GPR179: variants seen among roughly 807,000 people sequenced by gnomAD.
GPR179 encodes the protein probable G protein-coupled receptor 179.
In GPR179, 52 loss-of-function variants were observed where a neutral mutation model predicts 70.8. The observed-to-expected ratio is 0.73, with a 90% confidence interval of 0.59 to 0.93. The LOEUF (loss-of-function observed/expected upper bound fraction) is 0.93. Among genes scored for constraint, GPR179 ranks in the 40% least tolerant of loss-of-function variants. GPR179 has a pLI of 0.00. For missense variants in GPR179, 2,734 were observed against 2,966.8 expected (o/e 0.92, Z 1.82); for synonymous variants, 1,123 against 1,169.0 (o/e 0.96, Z 0.80).
chr17:38,341,495 C>T (rs1194403679), intron 1 of GPR179, among the ~76,000 whole-genome samples: 1 of 152,240 alleles, frequency 6.6e-6, no homozygotes, highest in Non-Finnish European at 1.5e-5. Context: ...GTTCCCCAGC[C>T]TTTGCTCTGG....
rs1279268891 is a variant in GPR179, at chr17:38,327,880, T to G, written c.5689A>C (p.Ser1897Arg). 3 of 1,614,228 alleles carry G rather than the reference T, an allele frequency of 1.9e-6. No individual in the cohort carries two copies. The highest frequency in any genetic ancestry group is 2.5e-6 in the Non-Finnish European group (3 of 1,180,042). ...QAPKISDLPS[S>R]MSSEVAEGHS... ...CCCTCTGCCACTTCACTACTCATGC[T>G]GCTGGGCAAGTCTGAGATCTTGGGG... The change falls in exon 11 of 11, where the codon AGC becomes CGC. Residue 1897 changes from serine to arginine, a missense_variant. Coordinates refer to ENST00000616987, the MANE Select transcript of GPR179 (RefSeq NM_001004334.4).
chr17:38,333,864 C>A, intron 9 of GPR179, 69 bp downstream of exon 9: 1 of 1,246,074 alleles, frequency 8.0e-7, no homozygotes, highest in Non-Finnish European at 1.1e-6. Context: ...CGCTGCGGGA[C>A]AACCGCTCCA....
In GPR179 at chr17:38,326,617, G is replaced by T; in HGVS notation, c.6952C>A (p.Leu2318Ile). 3 of 1,614,212 alleles carry T rather than the reference G, an allele frequency of 1.9e-6. No homozygotes were observed. The highest frequency in any genetic ancestry group is 1.6e-4 in the Middle Eastern group (1 of 6,062). Residue 2318 changes from leucine to isoleucine, a missense_variant, in exon 11 of 11, where the codon CTT becomes ATT. Transcript: ENST00000616987. The part of the protein sequence containing the change: ...GVRELQGPSG[L>I]EPRTSLAPEP... ...GGGGCTAAGCTGGTCCTTGGCTCAA[G>T]CCCTGAAGGTCCTTGTAGTTCTCTG...
rs771117178 is a variant in GPR179 at position 38,325,160 on chromosome 17, C to T, written c.*1305G>A. Reference sequence around the variant, plus strand: ...TCTTTGTATGTTTTTCTCCTTCTTCCTTTCCCTCTGGTATTATCATCTAAT... The same window carrying T: ...TCTTTGTATGTTTTTCTCCTTCTTCTTTTCCCTCTGGTATTATCATCTAAT... On this transcript the variant is annotated 3_prime_UTR_variant, in exon 11 of 11. Coordinates refer to ENST00000616987, the MANE Select transcript of GPR179 (RefSeq NM_001004334.4). Among the ~76,000 whole-genome samples the T allele has an allele frequency of 1.3e-5, 2 of 152,102 alleles. No individual in the cohort carries two copies. The highest frequency in any genetic ancestry group is 2.9e-5 in the Non-Finnish European group (2 of 68,020).
intron 1 of GPR179, among the ~76,000 whole-genome samples, chr17:38,340,940 AAC>A (rs1399241501): frequency 6.6e-6 from 1 of 152,140 alleles, no homozygotes; most frequent in African/African-American, 2.4e-5. Flanking sequence ...CAAACAAACA[AAC>A]AAACAAAAAA....
rs368811282 is a variant in GPR179, at chr17:38,327,048, G to T, written c.6521C>A (p.Ala2174Glu). 6.2e-7 allele frequency: 1 copy of T among 1,614,066 alleles called. No individual in the cohort carries two copies. The highest frequency in any genetic ancestry group is 1.3e-5 in the African/African-American group (1 of 74,930). Residue 2174 changes from alanine to glutamate, a missense_variant, in exon 11 of 11, where the codon GCA (alanine) becomes GAA (glutamate). Ala to Glu is a moderately radical substitution (Grantham distance 107). Coordinates refer to ENST00000616987, the MANE Select transcript of GPR179 (RefSeq NM_001004334.4). ...GTEEHFSKAA[A>E]KPREQEAVCP... ...GACTGCCTCCTGCTCTCTGGGCTTT[G>T]CTGCTGCTTTTGAGAAGTGTTCTTC...
chr17:38,333,465 G>C, intron 9 of GPR179, 68 bp from the exon 10 acceptor site: 12 of 1,487,152 alleles, frequency 8.1e-6, no homozygotes, highest in Non-Finnish European at 1.0e-5. Context: ...GCACTCACCT[G>C]CCCTGTGGAA....
chr17:38,329,310 G>C lies in GPR179; in HGVS notation c.4259C>G (p.Pro1420Arg). 1 of 1,612,676 alleles carries C rather than the reference G, an allele frequency of 6.2e-7. No homozygotes were observed. Among genetic ancestry groups the C allele is most frequent in the Non-Finnish European group, 8.5e-7 (1 of 1,179,446 alleles). The change falls in exon 11 of 11, where the codon CCG (proline) becomes CGG (arginine). Residue 1420 changes from proline to arginine, a missense_variant. Transcript: ENST00000616987. ...RKATFWKEQK[P>R]GGDLESLCPW... ...ACAAAGAGACTCCAAGTCTCCTCCC[G>C]GTTTCTGTTCTTTCCAAAAGGTTGC...
rs184952311 is a variant in GPR179, at chr17:38,339,226, G to C, written c.903+191C>G. 101 of 532,718 alleles carry C rather than the reference G, an allele frequency of 1.9e-4. No individual in the cohort carries two copies. The African/African-American group carries it at 1.9e-3, about 10-fold the overall frequency. The allele number at this position is 532,718 out of a possible 1,614,324, so 33.0% of individuals were successfully genotyped here. A position where few individuals can be genotyped will look rare whatever the true frequency, so the allele number is the denominator to read the frequency against. Reference sequence around the variant, plus strand: ...GAGCAGGAGGAATAGGGGGTGGGGGGGCAGGCTGTAGGTGACCTGACTTTT... The same window carrying C: ...GAGCAGGAGGAATAGGGGGTGGGGGCGCAGGCTGTAGGTGACCTGACTTTT... On this transcript the variant is annotated intron_variant, in intron 2 of 10. Transcript: ENST00000616987.
At chr17:38,339,230 G>A (rs932138411) in intron 2 of GPR179, 187 bp downstream of exon 2, 3 of 550,016 alleles carry the variant, frequency 5.5e-6, no homozygotes, top group Non-Finnish European at 3.2e-6. Context: ...TGGGGGGGCA[G>A]GCTGTAGGTG....
intron 2 of GPR179, among the ~76,000 whole-genome samples, 163 bp from the exon 3 acceptor site, chr17:38,337,883 C>T (rs1304148798): frequency 2.0e-5 from 3 of 152,188 alleles, no homozygotes; most frequent in Non-Finnish European, 2.9e-5. Context: ...GGAAGCCTTC[C>T]CTCTGTGGAA....
Position 38,334,765 on chromosome 17 carries a change from G to A in GPR179, c.1723C>T (p.Arg575Cys), listed in dbSNP as rs200801090. ...RAVLSAFHEP[R>C]YMGIALHNEL... Reference sequence around the variant, plus strand: ...TTGTGCAGGGCGATGCCCATGTAGCGTGGCTCATGGAAGGCCGAGAGCACA... The same window carrying A: ...TTGTGCAGGGCGATGCCCATGTAGCATGGCTCATGGAAGGCCGAGAGCACA... Residue 575 changes from arginine to cysteine, a missense_variant, in exon 8 of 11, where the codon CGC becomes TGC. Arg to Cys is a radical substitution (Grantham distance 180). Coordinates refer to ENST00000616987, the MANE Select transcript of GPR179 (RefSeq NM_001004334.4). This position sits in a 1 kb window ranked among gnomAD's most constrained non-coding sequence, Gnocchi z 4.7. 418 of 1,613,614 alleles carry A rather than the reference G, an allele frequency of 2.6e-4. 1 individual carries two copies. The highest frequency in any genetic ancestry group is 1.6e-3 in the Admixed American group (97 of 59,996).
rs1217561182 is a variant in GPR179, at chr17:38,343,060, CA to C, written c.729del (p.Gly244AspfsTer3). 1 of 1,613,878 alleles carries C rather than the reference CA, an allele frequency of 6.2e-7. No homozygotes were observed. The highest frequency in any genetic ancestry group is 1.3e-5 in the African/African-American group (1 of 74,946). ...GTGGCAGAGAGTGTGATCAGCCATCCAGGTCGGAGCCGTCCCTCCTGGCATT... is the reference window on the plus strand; with the variant it reads ...GTGGCAGAGAGTGTGATCAGCCATCCGGTCGGAGCCGTCCCTCCTGGCATT... The part of the protein sequence containing the change: ...FLECQEGRLR[P>X]GWLITLSATF... On this transcript the variant is annotated frameshift_variant, in exon 1 of 11. Coordinates refer to ENST00000616987, the MANE Select transcript of GPR179 (RefSeq NM_001004334.4). LOFTEE classifies it high-confidence loss of function. The surrounding 1 kb of genome is among the most constrained non-coding windows in gnomAD (Gnocchi z 4.2).
In GPR179 at chr17:38,331,092, C is replaced by A; in HGVS notation, c.2477G>T (p.Gly826Val). 1 of 1,601,204 alleles carries A rather than the reference C, an allele frequency of 6.2e-7. No individual in the cohort carries two copies. The change falls in exon 11 of 11, where the codon GGA becomes GTA. Residue 826 changes from glycine (G) to valine (V), a missense_variant. Gly to Val is a moderately radical substitution (Grantham distance 109, BLOSUM62 -3). Coordinates refer to ENST00000616987, the MANE Select transcript of GPR179 (RefSeq NM_001004334.4). ...GGGCCGGGCTCTGGGTAGCCTCTCT[C>A]CCACCGTCAGGTTGTGGGCGCTGGC... ...RSASAHNLTV[G>V]ERLPRARPAS...
rs756633375 is a variant in GPR179 at position 38,330,872 on chromosome 17, CAG to C, written c.2695_2696del (p.Leu899ValfsTer23). The part of the protein sequence containing the change: ...RRLERPRGAP[L>X]SAPPSPAKSS... ...TCTTGGCAGGGGAAGGTGGAGCTGA[CAG>C]GGGGGCCCCTCGAGGCCGCTCCAGC... is the stretch of plus-strand genomic sequence containing the variant. On this transcript the variant is annotated frameshift_variant, in exon 11 of 11. Coordinates refer to ENST00000616987, the MANE Select transcript of GPR179 (RefSeq NM_001004334.4). LOFTEE classifies it low-confidence loss of function (END_TRUNC). The C allele has an allele frequency of 3.2e-5, 52 of 1,600,856 alleles. No homozygotes were observed. The highest frequency in any genetic ancestry group is 1.7e-4 in the Middle Eastern group (1 of 6,028).
chr17:38,330,807 T>C lies in GPR179; in HGVS notation c.2762A>G (p.His921Arg). 1.2e-6 allele frequency: 2 copies of C among 1,605,116 alleles called. No individual in the cohort carries two copies. Among genetic ancestry groups the C allele is most frequent in the Middle Eastern group, 3.3e-4 (2 of 6,012 alleles). Residue 921 changes from histidine (H) to arginine (R), a missense_variant, in exon 11 of 11, where the codon CAT (histidine) becomes CGT (arginine). By Grantham distance (29) the His-to-Arg change is conservative (BLOSUM62 0). Coordinates refer to ENST00000616987, the MANE Select transcript of GPR179 (RefSeq NM_001004334.4). ...AGGCAGCCTTCTCCTAGCCTCCTCA[T>C]GAAGCCTCCCAGAGGTGTGAGAGCT... Reference protein sequence around the residue: ...VDSSHTSGRLHEEARRRLPHP... With the variant: ...VDSSHTSGRLREEARRRLPHP...
rs763748353 is a variant in GPR179 at position 38,330,489 on chromosome 17, G to A, written c.3080C>T (p.Ala1027Val). Residue 1027 changes from alanine to valine, a missense_variant, in exon 11 of 11, where the codon GCC becomes GTC. Coordinates refer to ENST00000616987, the MANE Select transcript of GPR179 (RefSeq NM_001004334.4). ...RGHHSPAPAR[A>V]RLWRALSVAV... is the part of the protein sequence containing the mutation. ...AACAGAGAGGGCCCTCCAGAGCCTG[G>A]CTCGAGCTGGGGCAGGGGAGTGGTG... 3.2e-6 allele frequency: 5 copies of A among 1,552,184 alleles called. No individual in the cohort carries two copies. Among genetic ancestry groups the A allele is most frequent in the Non-Finnish European group, 4.4e-6 (5 of 1,147,834 alleles).
In GPR179 at chr17:38,328,243, G is replaced by A; in HGVS notation, c.5326C>T (p.Pro1776Ser). 6.2e-7 allele frequency: 1 copy of A among 1,613,724 alleles called. No individual in the cohort carries two copies. Among genetic ancestry groups the A allele is most frequent in the Non-Finnish European group, 8.5e-7 (1 of 1,180,020 alleles). ...SVGPGACSQH[P>S]GTLDADGPKA... ...GGTCCATCAGCATCTAGAGTACCTGGATGCTGAGAACAGGCCCCTGGACCC... is the reference window on the plus strand; with the variant it reads ...GGTCCATCAGCATCTAGAGTACCTGAATGCTGAGAACAGGCCCCTGGACCC... Residue 1776 changes from proline (P) to serine (S), a missense_variant, in exon 11 of 11, where the codon CCA becomes TCA. Coordinates refer to ENST00000616987, the MANE Select transcript of GPR179 (RefSeq NM_001004334.4).
At position 38,329,368 on chromosome 17, in the gene GPR179, C is replaced by T. The variant is rs553412018; in HGVS notation, c.4201G>A (p.Asp1401Asn). 52 of 1,614,058 alleles carry T rather than the reference C, an allele frequency of 3.2e-5. No homozygotes were observed. The South Asian group carries it at 5.6e-4, about 17-fold the overall frequency. The change falls in exon 11 of 11, where the codon GAT becomes AAT. Residue 1401 changes from aspartate (D) to asparagine (N), a missense_variant. Physicochemically the swap from Asp to Asn is conservative, Grantham distance 23 (BLOSUM62 1). Transcript: ENST00000616987. The stretch of plus-strand genomic sequence containing the variant: ...GTTTTCTGCTTTTCCTGAGGGAGAT[C>T]CTTCACTGCCTCTTGGGCTGGTTTC... ...DGKPAQEAVK[D>N]LPQEKQKTRK...
Sources: allele counts gnomAD v4.1 joint callset (sites outside exome capture counted in the v4.1 genomes callset), GRCh38; gene constraint gnomAD v4.1.1; non-coding constraint Gnocchi (gnomAD v3.1); transcripts MANE v1.5; gene names NCBI Gene and HGNC (gene_info 2026-07-23, HGNC 2026-07-21).